Variants in GSE1 observed in about 807,000 individuals in gnomAD.
The protein encoded by GSE1 is genetic suppressor element 1.
In GSE1, 32 loss-of-function variants were observed where a neutral mutation model predicts 112.6. The observed-to-expected ratio is 0.28, with a 90% confidence interval of 0.21 to 0.38. The LOEUF (loss-of-function observed/expected upper bound fraction) is 0.38, where lower values mean the gene tolerates loss of function less well. Among genes scored for constraint, GSE1 ranks in the 10% least tolerant of loss-of-function variants. GSE1 has a pLI of 1.00. For missense variants in GSE1, 2,348 were observed against 1,699.2 expected (o/e 1.38, Z -6.71); for synonymous variants, 1,115 against 735.6 (o/e 1.52, Z -8.35).
intron 1 of GSE1, among the ~76,000 whole-genome samples, chr16:85,213,480 C>T (rs1196646311): frequency 6.6e-6 from 1 of 152,136 alleles, no homozygotes; most frequent in Non-Finnish European, 1.5e-5. Flanking sequence ...CCCCTCACCC[C>T]CTACTATTAT....
chr16:85,190,827 AG>A (rs1297810696), intron 1 of GSE1, among the ~76,000 whole-genome samples: 2 of 152,240 alleles, frequency 1.3e-5, no homozygotes, highest in Non-Finnish European at 2.9e-5. Flanking sequence ...CAGGGCACAA[AG>A]GGCGGACTCA....
At chr16:85,326,615 TG>T (rs1352312418) in intron 1 of GSE1, among the ~76,000 whole-genome samples, 4 of 152,238 alleles carry the variant, frequency 2.6e-5, no homozygotes, top group African/African-American at 7.2e-5. Flanking sequence ...CTGCCATGAT[TG>T]TAAGTTTCCC....
intron 1 of GSE1, among the ~76,000 whole-genome samples, chr16:85,243,409 C>G (rs566377846): frequency 6.6e-6 from 1 of 152,258 alleles, no homozygotes; most frequent in African/African-American, 2.4e-5. Flanking sequence ...GACACACACT[C>G]CTTTGCTCAC....
intron 2 of GSE1, among the ~76,000 whole-genome samples, chr16:85,372,591 A>G (rs964900018): frequency 1.3e-5 from 2 of 151,902 alleles, no homozygotes; most frequent in Non-Finnish European, 2.9e-5. Flanking sequence ...GCTGCGAGGT[A>G]GTGAGCTCCC....
rs538453993 is a variant in GSE1 at position 85,419,658 on chromosome 16, G to A, written c.2464+62015G>A. Among the ~76,000 whole-genome samples the A allele has an allele frequency of 6.6e-6, 1 of 152,162 alleles. No homozygotes were observed. Among genetic ancestry groups the A allele is most frequent in the Non-Finnish European group, 1.5e-5 (1 of 67,988 alleles). ...AAAAAATAACATTATGCCAGAACAT[G>A]CCAGCCTTTCTCATGCCTCGGGTGC... On this transcript the variant is annotated intron_variant, in intron 2 of 2. Coordinates refer to the GSE1 transcript ENST00000637419. This position sits in a 1 kb window ranked among gnomAD's most constrained non-coding sequence, Gnocchi z 6.5.
chr16:85,423,177 G>A (rs2048892272), intron 2 of GSE1, among the ~76,000 whole-genome samples: 1 of 152,200 alleles, frequency 6.6e-6, no homozygotes, highest in African/African-American at 2.4e-5. Context: ...CACCTTTTGT[G>A]CTGGAAATGG....
At chr16:85,275,147 A>C (rs1909228773) in intron 1 of GSE1, among the ~76,000 whole-genome samples, 1 of 151,952 alleles carries the variant, frequency 6.6e-6, no homozygotes, top group African/African-American at 2.4e-5. Flanking sequence ...TGCGGGCCCC[A>C]CCCCCAGACA....
chr16:85,339,624 G>A (rs2046581224), intron 1 of GSE1, among the ~76,000 whole-genome samples: 1 of 150,736 alleles, frequency 6.6e-6, no homozygotes, highest in South Asian at 2.1e-4. Context: ...GGAGGGGGAG[G>A]GGGGCAGAGA....
intron 1 of GSE1, among the ~76,000 whole-genome samples, chr16:85,343,360 C>A (rs1378831768): frequency 2.6e-5 from 4 of 152,010 alleles, no homozygotes; most frequent in Non-Finnish European, 2.9e-5. Context: ...GCGGGTACTA[C>A]AGTGAGCAAG....
At chr16:85,471,852 A>AG (rs2050305851) in intron 2 of GSE1, among the ~76,000 whole-genome samples, 1 of 152,234 alleles carries the variant, frequency 6.6e-6, no homozygotes, top group East Asian at 1.9e-4. Flanking sequence ...CTGGGACTGC[A>AG]GACACACACT....
chr16:85,509,390 C>T (rs1022707355), intron 2 of GSE1, among the ~76,000 whole-genome samples: 12 of 152,180 alleles, frequency 7.9e-5, no homozygotes, highest in Non-Finnish European at 1.6e-4. Context: ...TGGCTCCCAT[C>T]TGGTGTCCTG....
intron 1 of GSE1, among the ~76,000 whole-genome samples, chr16:85,331,405 A>ATATATATG (rs2046347956): frequency 7.1e-6 from 1 of 141,686 alleles, no homozygotes; most frequent in African/African-American, 2.6e-5. Context: ...GTATATATGT[A>ATATATATG]TATATATGCG....
intron 14 of GSE1, among the ~76,000 whole-genome samples, chr16:85,669,510 C>G (rs966405030): frequency 6.6e-6 from 1 of 152,162 alleles, no homozygotes; most frequent in Non-Finnish European, 1.5e-5. Flanking sequence ...GTTTCCTTTC[C>G]TCCTCCCGTG....
intron 8 of GSE1, among the ~76,000 whole-genome samples, chr16:85,660,585 G>C (rs1442968879): frequency 2.0e-5 from 3 of 152,120 alleles, no homozygotes; most frequent in Non-Finnish European, 4.4e-5. Context: ...GTTGCAGTGA[G>C]CTGAGCTTGC....
At chr16:85,219,780 A>G (rs4334283) in intron 1 of GSE1, among the ~76,000 whole-genome samples, 73,659 of 151,836 alleles carry the variant, frequency 0.49, 18,202 homozygotes, top group African/African-American at 0.6. Flanking sequence ...CCCCATGACT[A>G]TGGGACCACC....
intron 2 of GSE1, among the ~76,000 whole-genome samples, chr16:85,639,878 G>A (rs907735418): frequency 5.9e-5 from 9 of 152,228 alleles, no homozygotes; most frequent in African/African-American, 2.2e-4. Flanking sequence ...CTGCCAAGGC[G>A]GCCGGGGGCG....
rs753210305 is a variant in GSE1, at chr16:85,670,973, TCAC to T, written c.3416-19_3416-17del. 4.1e-6 allele frequency: 6 copies of T among 1,470,122 alleles called. No homozygotes were observed. In the African/African-American group the frequency reaches 8.3e-5, roughly 20 times the overall value. 91.1% of individuals were successfully genotyped at this position (1,470,122 alleles called of 1,614,324 possible). ...CGGGCTCCTGCATACGGAAAATACA[TCAC>T]CATCTCCTGTCTTTTCAGAGCAAAA... is the stretch of plus-strand genomic sequence containing the variant. On this transcript the variant is annotated intron_variant, in intron 14 of 15. Transcript: ENST00000253458.
chr16:85,315,508 G>C (rs2045967044), intron 1 of GSE1, among the ~76,000 whole-genome samples: 2 of 152,104 alleles, frequency 1.3e-5, no homozygotes, highest in African/African-American at 2.4e-5. Flanking sequence ...GCCTCGGGTT[G>C]GCTGTTGCCT....
chr16:85,425,070 C>T (rs1309913151), intron 2 of GSE1, among the ~76,000 whole-genome samples: 1 of 152,202 alleles, frequency 6.6e-6, no homozygotes, highest in Non-Finnish European at 1.5e-5. Flanking sequence ...GGGCCCCGGG[C>T]CACTCACCCA....
Sources: gnomAD v4.1 joint callset for allele counts (sites outside exome capture counted in the v4.1 genomes callset) on GRCh38, gnomAD v4.1.1 for gene constraint, Gnocchi (gnomAD v3.1) non-coding constraint, MANE v1.5 for transcripts, NCBI Gene and HGNC (gene_info 2026-07-23, HGNC 2026-07-21) for gene names.